TENM2: variants seen among roughly 807,000 people sequenced by gnomAD.
TENM2 encodes the protein teneurin-2.
In TENM2, 52 loss-of-function variants were observed where a neutral mutation model predicts 245.2. That is an observed-to-expected ratio of 0.21 (90% confidence interval 0.17 to 0.27). TENM2 has a LOEUF of 0.27. Among genes scored for constraint, TENM2 ranks in the 10% least tolerant of loss-of-function variants. The probability of loss-of-function intolerance (pLI) is 1.00; values close to 1 mark genes in which losing one functional copy is unlikely to be tolerated. For missense variants in TENM2, 3,046 were observed against 3,666.8 expected (o/e 0.83, Z 4.37); for synonymous variants, 1,363 against 1,438.9 (o/e 0.95, Z 1.19).
chr5:167,681,154 T>C (rs1756680204), intron 2 of TENM2, among the ~76,000 whole-genome samples: 1 of 152,242 alleles, frequency 6.6e-6, no homozygotes, highest in Non-Finnish European at 1.5e-5. Context: ...CTAAACCCCA[T>C]AGTTCAAACC....
At chr5:168,262,188 T>A in exon 29 of TENM2, 1 of 1,611,830 alleles carries the variant, frequency 6.2e-7, no homozygotes, top group Non-Finnish European at 8.5e-7. Context: ...ACGCCCATCA[T>A]TGGCAAAGGC....
chr5:167,602,027 A>G (rs557798983), intron 2 of TENM2, among the ~76,000 whole-genome samples: 2 of 151,166 alleles, frequency 1.3e-5, no homozygotes, highest in South Asian at 2.1e-4. Context: ...TTGGATAGAA[A>G]AAAAAAAAAC....
chr5:168,000,491 C>T (rs1334771129), intron 5 of TENM2, among the ~76,000 whole-genome samples: 1 of 152,100 alleles, frequency 6.6e-6, no homozygotes, highest in Non-Finnish European at 1.5e-5. Context: ...AATCTCTGCA[C>T]CTTAGTTTCC....
At chr5:168,092,304 C>T (rs1385244676) in intron 8 of TENM2, among the ~76,000 whole-genome samples, 2 of 152,208 alleles carry the variant, frequency 1.3e-5, no homozygotes, top group Non-Finnish European at 2.9e-5. Flanking sequence ...TGGTCCAAAG[C>T]AGGAGTTGGC....
the TENM2 span, chr5:167,116,282 C>A: frequency 0.043 from 6,521 of 152,266 alleles, 453 homozygotes; most frequent in African/African-American, 0.15. Flanking sequence ...CTCAGATTGC[C>A]GTACAGTTCC....
At chr5:167,446,921 A>G (rs1325730264) in intron 2 of TENM2, among the ~76,000 whole-genome samples, 1 of 151,804 alleles carries the variant, frequency 6.6e-6, no homozygotes, top group African/African-American at 2.4e-5. Flanking sequence ...ATTTTTTATA[A>G]TTTTTAGATT....
chr5:168,147,432 G>T (rs936155911), intron 12 of TENM2, among the ~76,000 whole-genome samples: 4 of 152,144 alleles, frequency 2.6e-5, no homozygotes, highest in Non-Finnish European at 4.4e-5. Flanking sequence ...AACTTGGAAG[G>T]CCTGTCAGAA....
rs762083666 is a variant in TENM2, at chr5:167,637,807, C to G, written c.503-238179C>G. On this transcript the variant is annotated intron_variant, in intron 2 of 28. Transcript: ENST00000518659. ...GGAGGGGAACATCACACACCGGGGCCTATTGTGGGTTGGGGGAAAGGGGAG... is the reference window on the plus strand; with the variant it reads ...GGAGGGGAACATCACACACCGGGGCGTATTGTGGGTTGGGGGAAAGGGGAG... 6.6e-5 allele frequency among the ~76,000 whole-genome samples: 10 copies of G among 151,988 alleles called. No homozygotes were observed. In the East Asian group the frequency reaches 1.7e-3, roughly 26 times the overall value.
At chr5:167,185,707 A>G in the TENM2 span, among the ~76,000 whole-genome samples, 1 of 149,644 alleles carries the variant, frequency 6.7e-6, no homozygotes, top group Admixed American at 6.6e-5. Flanking sequence ...CATTTCTTGA[A>G]GGTCATTTTT....
At chr5:167,295,520 C>T (rs907021207) in intron 1 of TENM2, among the ~76,000 whole-genome samples, 1 of 152,172 alleles carries the variant, frequency 6.6e-6, no homozygotes, top group Admixed American at 6.5e-5. Context: ...GAAGAATTGC[C>T]AGGATCAGCC....
At chr5:168,105,089 A>C (rs996583181) in intron 9 of TENM2, among the ~76,000 whole-genome samples, 1 of 152,200 alleles carries the variant, frequency 6.6e-6, no homozygotes, top group Non-Finnish European at 1.5e-5. Context: ...GAAAATAAGG[A>C]AGTTTATAAA....
chr5:167,595,300 C>A (rs1238155151), intron 2 of TENM2, among the ~76,000 whole-genome samples: 1 of 151,974 alleles, frequency 6.6e-6, no homozygotes, highest in Non-Finnish European at 1.5e-5. Context: ...CATTTAGAAC[C>A]ACAGAAACTC....
chr5:167,956,612 C>T (rs113446744), intron 4 of TENM2, among the ~76,000 whole-genome samples: 1 of 152,122 alleles, frequency 6.6e-6, no homozygotes, highest in Non-Finnish European at 1.5e-5. Context: ...GTGGGTCTGT[C>T]ATAAATAACT....
chr5:167,510,715 TAGTTG>T (rs1396989220), intron 2 of TENM2, among the ~76,000 whole-genome samples: 1 of 152,066 alleles, frequency 6.6e-6, no homozygotes, highest in Non-Finnish European at 1.5e-5. Context: ...GTTGACATTT[TAGTTG>T]AGTTTAGTTT....
intron 2 of TENM2, among the ~76,000 whole-genome samples, chr5:167,578,371 A>G (rs73801294): frequency 6.6e-6 from 1 of 152,246 alleles, no homozygotes; most frequent in East Asian, 1.9e-4. Flanking sequence ...AGACTTCAGC[A>G]GTAAGGTTGA....
At chr5:167,864,381 A>G (rs1157515140) in intron 2 of TENM2, among the ~76,000 whole-genome samples, 3 of 152,348 alleles carry the variant, frequency 2.0e-5, no homozygotes, top group Non-Finnish European at 2.9e-5. Flanking sequence ...TAGAACACCT[A>G]TCTCTTACCT....
the TENM2 span, among the ~76,000 whole-genome samples, chr5:167,259,723 T>C: frequency 4.6e-5 from 7 of 152,196 alleles, no homozygotes; most frequent in Middle Eastern, 3.4e-3. Flanking sequence ...TCTTCTCCTC[T>C]GATTTTTTTT....
At chr5:167,435,088 ATTTTC>A (rs1291907089) in intron 2 of TENM2, among the ~76,000 whole-genome samples, 1 of 152,052 alleles carries the variant, frequency 6.6e-6, no homozygotes, top group East Asian at 1.9e-4. Context: ...TCACCTGTTT[ATTTTC>A]TTAAGCAATT....
At chr5:167,013,203 C>T in the TENM2 span, among the ~76,000 whole-genome samples, 1 of 152,102 alleles carries the variant, frequency 6.6e-6, no homozygotes, top group South Asian at 2.1e-4. Context: ...AACTTAACTC[C>T]CACATTATTC....
Sources: gnomAD v4.1 joint callset for allele counts (sites outside exome capture counted in the v4.1 genomes callset) on GRCh38, gnomAD v4.1.1 for gene constraint, MANE v1.5 for transcripts, NCBI Gene and HGNC (gene_info 2026-07-23, HGNC 2026-07-21) for gene names.